The following GK variants were observed in gnomAD, a reference collection of about 807,000 sequenced individuals.
GK encodes glycerol kinase, also known as ATP:glycerol 3-phosphotransferase.
A neutral mutation model predicts 56.4 loss-of-function variants in GK; 9 were observed. The ratio of observed to expected loss-of-function variants is 0.16; its 90% CI spans 0.10 to 0.28. The LOEUF is 0.28. Ranked by LOEUF, GK falls within the 10% of genes least tolerant of loss-of-function variation. The pLI is 1.00. For missense variants in GK, 161 were observed against 431.4 expected, an observed-to-expected ratio of 0.37 and a Z score of 5.55; for synonymous variants, 104 against 144.1, an observed-to-expected ratio of 0.72 and a Z score of 1.99.
chrX:30,661,667 C>T (rs1036119239), intron 1 of GK, among the ~76,000 whole-genome samples: 4 of 111,258 alleles, frequency 3.6e-5, no homozygotes, highest in African/African-American at 1.3e-4. Context: ...GTTACATGTC[C>T]TTTCTCCTCT....
chrX:30,686,361 C>T (rs1289615644), intron 4 of GK, among the ~76,000 whole-genome samples: 1 of 112,137 alleles, frequency 8.9e-6, no homozygotes, highest in African/African-American at 3.2e-5. Context: ...GAGAAACAAC[C>T]CAATAACACT....
chrX:30,675,325 A>T (rs761719455), intron 3 of GK, among the ~76,000 whole-genome samples: 114 of 105,592 alleles, frequency 1.1e-3, no homozygotes, highest in African/African-American at 3.4e-3. Flanking sequence ...CCTCCCGAGT[A>T]GCTGGGACTA....
intron 4 of GK, among the ~76,000 whole-genome samples, chrX:30,686,643 C>A (rs1031207947): frequency 1.8e-5 from 2 of 111,235 alleles, no homozygotes; most frequent in African/African-American, 6.5e-5. Flanking sequence ...TAATTTATTC[C>A]TCTGTACTGT....
rs773203275 is a variant in GK, at chrX:30,686,149, A to G, written c.338-4974A>G. Among the ~76,000 whole-genome samples, 102 of 112,692 alleles carry G rather than the reference A, an allele frequency of 9.1e-4. 2 individuals carry two copies. Among genetic ancestry groups the G allele is most frequent in the Non-Finnish European group, 1.3e-3 (67 of 53,346 alleles). The stretch of plus-strand genomic sequence containing the variant: ...CTTCAGCCCCCGCCTTTTGGCATAT[A>G]TGTAAATCAATCTTTCCTTCCCAAC... On this transcript the variant is annotated intron_variant, in intron 4 of 20. Coordinates refer to ENST00000427190, the MANE Select transcript of GK (RefSeq NM_001205019.2).
At chrX:30,656,985 G>C (rs1225295569) in intron 1 of GK, among the ~76,000 whole-genome samples, 2 of 111,930 alleles carry the variant, frequency 1.8e-5, no homozygotes, top group East Asian at 5.6e-4. Context: ...TGAGTAGCTG[G>C]GATTACAGGC....
chrX:30,677,443 A>G lies in GK; in HGVS notation c.328A>G (p.Asn110Asp), dbSNP rs1285161407. ...CAAGATAACTGGAGAGCCTCTCTAC[A>G]ATGCTGTGGGTAAGCTGTCATGCAT... ...WDKITGEPLY[N>D]AVVWLDLRTQ... Residue 110 changes from asparagine to aspartate, a missense_variant, in exon 4 of 21, where the codon AAT becomes GAT. Transcript: ENST00000427190. The G allele has an allele frequency of 9.1e-7, 1 of 1,102,806 alleles. No individual in the cohort carries two copies. Among genetic ancestry groups the G allele is most frequent in the South Asian group, 1.8e-5 (1 of 54,710 alleles). The allele number at this position is 1,102,806 out of a possible 1,213,427, so 90.9% of individuals were successfully genotyped here. A position where few individuals can be genotyped will look rare whatever the true frequency, so the allele number is the denominator to read the frequency against.
chrX:30,720,898 G>C lies in GK; in HGVS notation c.1404G>C (p.Ala468=). 1 of 1,211,421 alleles carries C rather than the reference G, an allele frequency of 8.3e-7. No homozygotes were observed. The highest frequency in any genetic ancestry group is 1.8e-5 in the South Asian group (1 of 56,969). ...CCACTGCACTGGGTGCGGCTATGGC[G>C]GCAGGGGCTGCAGAAGGAGTCGGCG... is the stretch of plus-strand genomic sequence containing the variant. ...PETTALGAAM[A]AGAAEGVGVW... Residue 468 remains alanine (A), a synonymous_variant, in exon 18 of 21, where the codon GCG becomes GCC. Transcript: ENST00000427190.
chrX:30,684,666 CAAAAAAAAAAAAAA>C (rs60771873), intron 4 of GK, among the ~76,000 whole-genome samples: 4 of 32,404 alleles, frequency 1.2e-4, no homozygotes, highest in Non-Finnish European at 1.0e-4. Context: ...AACTCCATCT[CAAAAAAAAAAAAAA>C]AAAAAAAAAA....
chrX:30,730,059 A>G lies in GK; in HGVS notation c.*1317A>G, dbSNP rs5972219. 1 of 112,536 alleles carries G rather than the reference A, an allele frequency of 8.9e-6. No individual in the cohort carries two copies. The highest frequency in any genetic ancestry group is 9.5e-5 in the Admixed American group (1 of 10,528). 9.3% of individuals were successfully genotyped at this position (112,536 alleles called of 1,213,427 possible). A position where few individuals can be genotyped will look rare whatever the true frequency, so the allele number is the denominator to read the frequency against. On this transcript the variant is annotated 3_prime_UTR_variant, in exon 21 of 21. Coordinates refer to ENST00000427190, the MANE Select transcript of GK (RefSeq NM_001205019.2). ...TGAAAGAAGGTTTATCATTACAAAT[A>G]CCTTCCAATGAAACCAAGAATTTCT...
intron 1 of GK, among the ~76,000 whole-genome samples, chrX:30,660,064 A>G (rs953576287): frequency 8.9e-6 from 1 of 111,806 alleles, no homozygotes; most frequent in African/African-American, 3.3e-5. Flanking sequence ...CTTTTTTATA[A>G]AAACAATTTT....
chrX:30,725,547 G>T (rs1467672396), intron 19 of GK, among the ~76,000 whole-genome samples: 1 of 112,146 alleles, frequency 8.9e-6, no homozygotes, highest in Non-Finnish European at 1.9e-5. Context: ...TTCTTTTCTA[G>T]TTGCCCTTAA....
intron 2 of GK, among the ~76,000 whole-genome samples, chrX:30,667,000 A>G (rs1030486873): frequency 4.5e-5 from 5 of 110,390 alleles, no homozygotes; most frequent in Non-Finnish European, 9.5e-5. Flanking sequence ...TAAAAATACA[A>G]AAAATTAGCC....
intron 13 of GK, among the ~76,000 whole-genome samples, chrX:30,715,876 A>G (rs1412841734): frequency 1.8e-5 from 2 of 112,212 alleles, no homozygotes; most frequent in East Asian, 2.8e-4. Flanking sequence ...TTCAATCACA[A>G]CAAAACACTT....
chrX:30,670,366 T>C (rs1161094503), intron 3 of GK, among the ~76,000 whole-genome samples: 1 of 111,662 alleles, frequency 9.0e-6, no homozygotes, highest in Non-Finnish European at 1.9e-5. Flanking sequence ...TCTCCCTTGT[T>C]TTTACGGTTA....
chrX:30,707,434 A>G, intron 11 of GK, 122 bp from the exon 12 acceptor site: 1 of 472,627 alleles, frequency 2.1e-6, no homozygotes, highest in Non-Finnish European at 3.7e-6. Context: ...AGGAACTTTT[A>G]TAAAACTATA....
intron 19 of GK, among the ~76,000 whole-genome samples, chrX:30,724,897 T>C (rs1937069582): frequency 9.1e-6 from 1 of 110,430 alleles, no homozygotes; most frequent in Admixed American, 9.7e-5. Context: ...TTTTTTTTTT[T>C]TGAGACAGAG....
At chrX:30,690,333 A>T (rs1934865502) in intron 4 of GK, among the ~76,000 whole-genome samples, 1 of 112,185 alleles carries the variant, frequency 8.9e-6, no homozygotes, top group African/African-American at 3.2e-5. Context: ...TAAATCTGGC[A>T]AATAAAGCTT....
intron 11 of GK, among the ~76,000 whole-genome samples, chrX:30,704,143 T>TG (rs1434908955): frequency 1.0e-5 from 1 of 96,404 alleles, no homozygotes; most frequent in African/African-American, 4.3e-5. Flanking sequence ...TATATATATA[T>TG]ATATATGAGA....
chrX:30,715,140 C>T (rs909877831), intron 13 of GK, among the ~76,000 whole-genome samples: 2 of 111,798 alleles, frequency 1.8e-5, no homozygotes, highest in Admixed American at 9.5e-5. Context: ...TGATTTTTCT[C>T]CATACTCACC....
Sources: gnomAD v4.1 joint callset for allele counts (sites outside exome capture counted in the v4.1 genomes callset) on GRCh38, gnomAD v4.1.1 for gene constraint, MANE v1.5 for transcripts, NCBI Gene and HGNC (gene_info 2026-07-23, HGNC 2026-07-21) for gene names.